PCDHGB4: variants seen among roughly 807,000 people sequenced by gnomAD.
The protein encoded by PCDHGB4 is protocadherin gamma subfamily B, 4.
PCDHGB4 carries 38 observed loss-of-function variants against 60.5 expected under a neutral mutation model. The ratio of observed to expected loss-of-function variants is 0.63; its 90% CI spans 0.48 to 0.82. PCDHGB4 has a LOEUF of 0.82. Among genes scored for constraint, PCDHGB4 ranks in the 40% least tolerant of loss-of-function variants. The pLI is 0.00. For synonymous variants in PCDHGB4, 456 were observed against 509.7 expected (o/e 0.89, Z 1.42); for missense variants, 1,109 against 1,209.6 (o/e 0.92, Z 1.23).
At position 141,464,471 on chromosome 5, in the gene PCDHGB4, G is replaced by A. The variant is rs142068327; in HGVS notation, c.2398-30336G>A. On this transcript the variant is annotated intron_variant, in intron 1 of 3. Coordinates refer to ENST00000519479, the MANE Select transcript of PCDHGB4 (RefSeq NM_003736.4). ...TTGTTGTTATTTTTGAAGTATGTAC[G>A]TATAATAAATTCCTAATAGTGTGAT... Among the ~76,000 whole-genome samples, 204 of 151,612 alleles carry A rather than the reference G, an allele frequency of 1.3e-3. 1 individual carries two copies. The highest frequency in any genetic ancestry group is 2.3e-3 in the Non-Finnish European group (156 of 67,928).
chr5:141,466,148 G>A (rs1201643685), intron 1 of PCDHGB4, among the ~76,000 whole-genome samples: 1 of 151,814 alleles, frequency 6.6e-6, no homozygotes, highest in Non-Finnish European at 1.5e-5. Flanking sequence ...GAAAACTCTG[G>A]TCTTAAACTG....
rs181806844 is a variant in PCDHGB4 at position 141,445,046 on chromosome 5, G to T, written c.2398-49761G>T. Among the ~76,000 whole-genome samples the T allele has an allele frequency of 1.2e-4, 19 of 152,248 alleles. No individual in the cohort carries two copies. The East Asian group carries it at 3.7e-3, about 29-fold the overall frequency. ...TCAGCTATGTTGTATAGTTTTCAGT[G>T]TAGAGAGGTCATGTATATTTCTCAT... On this transcript the variant is annotated intron_variant, in intron 1 of 3. Transcript: ENST00000519479.
At chr5:141,421,843 G>C (rs769652818) in intron 1 of PCDHGB4, 1 of 1,613,798 alleles carries the variant, frequency 6.2e-7, no homozygotes, top group Non-Finnish European at 8.5e-7. Context: ...CCGAGAGAAA[G>C]AGGCTGCTCA....
chr5:141,508,091 GCCC>G (rs2099866180), intron 3 of PCDHGB4: 1 of 152,482 alleles, frequency 6.6e-6, no homozygotes, highest in Non-Finnish European at 1.5e-5. Flanking sequence ...TGCTGCCTTG[GCCC>G]TGGGATGGGG....
chr5:141,457,058 T>C (rs756862311), intron 1 of PCDHGB4, among the ~76,000 whole-genome samples: 1 of 152,230 alleles, frequency 6.6e-6, no homozygotes, highest in South Asian at 2.1e-4. Flanking sequence ...TCATGCTTCC[T>C]TTTTGCCAGT....
chr5:141,431,049 T>C lies in PCDHGB4; in HGVS notation c.2397+40768T>C, dbSNP rs1226000576. On this transcript the variant is annotated intron_variant, in intron 1 of 3. Coordinates refer to ENST00000519479, the MANE Select transcript of PCDHGB4 (RefSeq NM_003736.4). The surrounding 1 kb of genome is among the most constrained non-coding windows in gnomAD (Gnocchi z 4.8). Reference sequence around the variant, plus strand: ...AGGATAGACCGGGAGGAGCTCTGTATGGGGGCCATCAAGTGTCAATTAAAT... The same window carrying C: ...AGGATAGACCGGGAGGAGCTCTGTACGGGGGCCATCAAGTGTCAATTAAAT... The C allele has an allele frequency of 6.2e-7, 1 of 1,614,162 alleles. No homozygotes were observed. Among genetic ancestry groups the C allele is most frequent in the Non-Finnish European group, 8.5e-7 (1 of 1,180,014 alleles).
Position 141,431,991 on chromosome 5 carries a change from A to G in PCDHGB4, c.2397+41710A>G. 1.2e-6 allele frequency: 2 copies of G among 1,614,218 alleles called. No individual in the cohort carries two copies. The highest frequency in any genetic ancestry group is 1.7e-6 in the Non-Finnish European group (2 of 1,180,042). On this transcript the variant is annotated intron_variant, in intron 1 of 3. Transcript: ENST00000519479. The surrounding 1 kb of genome is among the most constrained non-coding windows in gnomAD (Gnocchi z 4.8). The stretch of plus-strand genomic sequence containing the variant: ...AGTTTAGTCACAGACATAGTCTTGG[A>G]TAGGGAACAGGTTCCTAGCTACAAC...
chr5:141,460,987 A>G (rs201722325), intron 1 of PCDHGB4, among the ~76,000 whole-genome samples: 34 of 92,988 alleles, frequency 3.7e-4, no homozygotes, highest in Middle Eastern at 5.0e-3. Flanking sequence ...GTGTGTGTAT[A>G]TATATATATG....
At chr5:141,480,240 CAA>C (rs11374694) in intron 1 of PCDHGB4, among the ~76,000 whole-genome samples, 8 of 114,006 alleles carry the variant, frequency 7.0e-5, no homozygotes, top group Non-Finnish European at 7.5e-5. Flanking sequence ...CCTGTCTCTA[CAA>C]AAAAAAAAAA....
intron 2 of PCDHGB4, among the ~76,000 whole-genome samples, chr5:141,501,061 G>T (rs746369272): frequency 1.5e-4 from 23 of 152,118 alleles, no homozygotes; most frequent in Non-Finnish European, 2.1e-4. Flanking sequence ...TAGAGACGGG[G>T]TTTCACCATG....
chr5:141,435,260 T>C (rs1591368331), intron 1 of PCDHGB4, among the ~76,000 whole-genome samples: 1 of 152,236 alleles, frequency 6.6e-6, no homozygotes, highest in African/African-American at 2.4e-5. Context: ...TAGGGATATG[T>C]CCATTTATAC....
intron 2 of PCDHGB4, among the ~76,000 whole-genome samples, chr5:141,502,686 C>T (rs2099815631): frequency 6.6e-6 from 1 of 152,136 alleles, no homozygotes; most frequent in Admixed American, 6.5e-5. Flanking sequence ...CCCTGATGAT[C>T]CTTGCCTGTA....
At chr5:141,409,620 A>C in intron 1 of PCDHGB4, 2 of 1,613,876 alleles carry the variant, frequency 1.2e-6, no homozygotes, top group Non-Finnish European at 1.7e-6. Flanking sequence ...TCCATTGCGC[A>C]AGTGAGCGCC....
intron 3 of PCDHGB4, among the ~76,000 whole-genome samples, chr5:141,509,776 C>T (rs898626809): frequency 7.2e-5 from 11 of 152,140 alleles, no homozygotes; most frequent in African/African-American, 9.7e-5. Context: ...GTCTAGTCCC[C>T]GAGATCATCA....
chr5:141,478,465 C>T (rs768021356), intron 1 of PCDHGB4: 6 of 1,613,730 alleles, frequency 3.7e-6, no homozygotes, highest in Non-Finnish European at 5.1e-6. Context: ...GTCCACTGGC[C>T]AGCCGCCAGA....
At chr5:141,428,290 C>A in intron 1 of PCDHGB4, 1 of 726,802 alleles carries the variant, frequency 1.4e-6, no homozygotes, top group Non-Finnish European at 2.4e-6. Context: ...CCAAGCAAAG[C>A]TGCAGATTTA....
chr5:141,477,874 T>G lies in PCDHGB4; in HGVS notation c.2398-16933T>G. On this transcript the variant is annotated intron_variant, in intron 1 of 3. Coordinates refer to ENST00000519479, the MANE Select transcript of PCDHGB4 (RefSeq NM_003736.4). This position sits in a 1 kb window ranked among gnomAD's most constrained non-coding sequence, Gnocchi z 4.9. ...AGATGCTGCCTCGAGGTACCTCAGC[T>G]GGCCACCTAGTGTCACGGGTGGTAG... 1 of 1,614,176 alleles carries G rather than the reference T, an allele frequency of 6.2e-7. No individual in the cohort carries two copies. The highest frequency in any genetic ancestry group is 8.5e-7 in the Non-Finnish European group (1 of 1,180,028).
chr5:141,393,739 A>G (rs1589203711), intron 1 of PCDHGB4: 1 of 1,613,800 alleles, frequency 6.2e-7, no homozygotes, highest in Non-Finnish European at 8.5e-7. Flanking sequence ...AGTCTAGATT[A>G]TGAAGAATGT....
chr5:141,494,656 C>CT, intron 1 of PCDHGB4, 151 bp from the exon 2 acceptor site: 1 of 1,478,476 alleles, frequency 6.8e-7, no homozygotes, highest in Non-Finnish European at 9.1e-7. Flanking sequence ...TGTATTTTGT[C>CT]TTTGGAGATG....
Sources: gnomAD v4.1 joint callset for allele counts (sites outside exome capture counted in the v4.1 genomes callset) on GRCh38, gnomAD v4.1.1 for gene constraint, Gnocchi (gnomAD v3.1) non-coding constraint, MANE v1.5 for transcripts, NCBI Gene and HGNC (gene_info 2026-07-23, HGNC 2026-07-21) for gene names.